Variants in CHN2 observed in about 807,000 individuals in gnomAD.
CHN2 encodes the protein chimerin 2.
CHN2 carries 35 observed loss-of-function variants against 56.3 expected under a neutral mutation model. The ratio of observed to expected loss-of-function variants is 0.62; its 90% CI spans 0.47 to 0.82. The LOEUF is 0.82. Ranked by LOEUF, CHN2 falls within the 40% of genes least tolerant of loss-of-function variation. The pLI is 0.00. For missense variants in CHN2, 491 were observed against 580.5 expected (o/e 0.85, Z 1.58); for synonymous variants, 210 against 212.8 (o/e 0.99, Z 0.12).
At chr7:29,214,027 C>T (rs1008259932) in intron 1 of CHN2, among the ~76,000 whole-genome samples, 1 of 152,124 alleles carries the variant, frequency 6.6e-6, no homozygotes, top group Non-Finnish European at 1.5e-5. Context: ...GAAATGAAGC[C>T]GTGGTCATGC....
In CHN2 at chr7:29,283,776, G is replaced by T. The variant is rs182474732; in HGVS notation, c.50-70849G>T. 1.3e-3 allele frequency among the ~76,000 whole-genome samples: 194 copies of T among 151,792 alleles called. 1 individual carries two copies. The highest frequency in any genetic ancestry group is 5.9e-4 in the Non-Finnish European group (40 of 67,920). ...TGAGACTAAAGGCATGCACCACCAT[G>T]CCTGCCTAATTTTTGTATTTTTAGT... On this transcript the variant is annotated intron_variant, in intron 1 of 12. Transcript: ENST00000222792.
chr7:29,247,275 T>C (rs1788148686), intron 1 of CHN2, among the ~76,000 whole-genome samples: 2 of 152,196 alleles, frequency 1.3e-5, no homozygotes, highest in East Asian at 1.9e-4. Flanking sequence ...TTTGGATTTC[T>C]GTTTCAAATA....
chr7:29,446,063 C>T (rs1395946295), intron 6 of CHN2, among the ~76,000 whole-genome samples: 3 of 152,128 alleles, frequency 2.0e-5, no homozygotes, highest in Non-Finnish European at 4.4e-5. Context: ...CAAGGCTATA[C>T]CCCAGACCAA....
At chr7:29,440,255 A>T (rs937948657) in intron 6 of CHN2, among the ~76,000 whole-genome samples, 2 of 152,218 alleles carry the variant, frequency 1.3e-5, no homozygotes, top group Non-Finnish European at 2.9e-5. Context: ...CCTCACAAAC[A>T]TAGCATTTAT....
chr7:29,258,674 C>T (rs992717663), intron 1 of CHN2, among the ~76,000 whole-genome samples: 1 of 152,180 alleles, frequency 6.6e-6, no homozygotes, highest in Non-Finnish European at 1.5e-5. Flanking sequence ...ATTATTCCTT[C>T]TATAAATATG....
At chr7:29,448,223 ATTTTGATACC>A (rs1784165766) in intron 6 of CHN2, among the ~76,000 whole-genome samples, 1 of 151,466 alleles carries the variant, frequency 6.6e-6, no homozygotes, top group African/African-American at 2.4e-5. Context: ...AAAGAATGGG[ATTTTGATACC>A]TCTTTCCTTA....
chr7:29,237,782 C>G (rs1208932496), intron 1 of CHN2, among the ~76,000 whole-genome samples: 1 of 152,062 alleles, frequency 6.6e-6, no homozygotes, highest in African/African-American at 2.4e-5. Context: ...TATAGGAGAC[C>G]AGTGGACAAA....
At chr7:29,293,374 C>T (rs945501420) in intron 1 of CHN2, among the ~76,000 whole-genome samples, 1 of 126,558 alleles carries the variant, frequency 7.9e-6, no homozygotes, top group African/African-American at 2.9e-5. Flanking sequence ...CCCCCCCCCC[C>T]CCCATATTAA....
intron 9 of CHN2, among the ~76,000 whole-genome samples, chr7:29,504,335 T>C (rs996848200): frequency 1.3e-5 from 2 of 152,142 alleles, no homozygotes; most frequent in African/African-American, 4.8e-5. Flanking sequence ...CATAAATATA[T>C]ACACCTACTG....
In CHN2 at chr7:29,493,361, T is replaced by C. The variant is rs545916590; in HGVS notation, c.655-2591T>C. Among the ~76,000 whole-genome samples, 42 of 152,308 alleles carry C rather than the reference T, an allele frequency of 2.8e-4. No individual in the cohort carries two copies. The South Asian group carries it at 3.1e-3, about 11-fold the overall frequency. On this transcript the variant is annotated intron_variant, in intron 7 of 12. Transcript: ENST00000222792. ...TCACCCAAGGATGCTTTTCTCAGAA[T>C]GTAGCTCCATCATTAAGTGATGCAT... is the stretch of plus-strand genomic sequence containing the variant.
intron 11 of CHN2, among the ~76,000 whole-genome samples, chr7:29,508,427 A>C (rs1438878809): frequency 6.6e-6 from 1 of 151,696 alleles, no homozygotes; most frequent in Admixed American, 6.6e-5. Flanking sequence ...TTAAAAAAAA[A>C]AAAAAAACCT....
chr7:29,237,692 G>A (rs1787305101), intron 1 of CHN2, among the ~76,000 whole-genome samples: 1 of 152,162 alleles, frequency 6.6e-6, no homozygotes, highest in South Asian at 2.1e-4. Context: ...TCAGCTCTGA[G>A]CCAGGAGATT....
chr7:29,180,332 C>T (rs1285052728), intron 2 of CHN2, among the ~76,000 whole-genome samples: 1 of 152,104 alleles, frequency 6.6e-6, no homozygotes, highest in East Asian at 1.9e-4. Context: ...TTGAGACCGT[C>T]CTGACTAACA....
At chr7:29,371,931 CCTCCCACCTGATCTCCCTG>C (rs2128045599) in intron 3 of CHN2, among the ~76,000 whole-genome samples, 1 of 152,144 alleles carries the variant, frequency 6.6e-6, no homozygotes, top group Non-Finnish European at 1.5e-5. Context: ...AGGTAAAGAG[CCTCCCACCTGATCTCCCTG>C]CTTCCACTCC....
intron 3 of CHN2, among the ~76,000 whole-genome samples, chr7:29,383,671 A>G (rs1402877291): frequency 1.3e-5 from 2 of 152,138 alleles, no homozygotes; most frequent in Non-Finnish European, 2.9e-5. Context: ...TGTCATGGGG[A>G]AAAAATATTC....
Position 29,280,254 on chromosome 7 carries a change from G to C in CHN2, c.50-74371G>C, listed in dbSNP as rs554115849. On this transcript the variant is annotated intron_variant, in intron 1 of 12. Transcript: ENST00000222792. ...CAAAAATTAGCCGGGCGTGGTGGTG[G>C]GCGCCTGTAGTCCCAGCTACTCGGG... 1.4e-3 allele frequency among the ~76,000 whole-genome samples: 218 copies of C among 151,936 alleles called. 1 individual carries two copies. Among genetic ancestry groups the C allele is most frequent in the Non-Finnish European group, 2.2e-3 (152 of 67,930 alleles).
rs551590898 is a variant in CHN2 at position 29,513,832 on chromosome 7, A to G, written c.*1097A>G. 6.5e-6 allele frequency: 1 copy of G among 152,784 alleles called. No homozygotes were observed. Among genetic ancestry groups the G allele is most frequent in the Admixed American group, 6.5e-5 (1 of 15,308 alleles). 9.5% of individuals were successfully genotyped at this position (152,784 alleles called of 1,614,324 possible). Reference sequence around the variant, plus strand: ...ACAAAAGTAGCTCTGTGTGGATAATATGATTTTATTACTACAGTTCCAGTC... The same window carrying G: ...ACAAAAGTAGCTCTGTGTGGATAATGTGATTTTATTACTACAGTTCCAGTC... On this transcript the variant is annotated 3_prime_UTR_variant, in exon 13 of 13. Coordinates refer to ENST00000222792, the MANE Select transcript of CHN2 (RefSeq NM_004067.4).
intron 6 of CHN2, among the ~76,000 whole-genome samples, chr7:29,467,416 A>C (rs1340615860): frequency 2.0e-5 from 3 of 152,152 alleles, no homozygotes; most frequent in African/African-American, 7.2e-5. Context: ...TATGGATCAG[A>C]TCTGTTGTTG....
At chr7:29,362,843 T>C (rs1798849694) in intron 2 of CHN2, among the ~76,000 whole-genome samples, 1 of 152,210 alleles carries the variant, frequency 6.6e-6, no homozygotes. Context: ...TCTCCATGCA[T>C]GTCCCCCATC....
Sources: allele counts gnomAD v4.1 joint callset (sites outside exome capture counted in the v4.1 genomes callset), GRCh38; gene constraint gnomAD v4.1.1; transcripts MANE v1.5; gene names NCBI Gene and HGNC (gene_info 2026-07-23, HGNC 2026-07-21).